TRMT9B: variants seen among roughly 807,000 people sequenced by gnomAD.
TRMT9B encodes tRNA methyltransferase 9B (putative), also known as probable tRNA methyltransferase 9B.
A neutral mutation model predicts 11.5 loss-of-function variants in TRMT9B; 16 were observed. The observed-to-expected ratio is 1.39, with a 90% CI of 0.94 to 2.11. The LOEUF (loss-of-function observed/expected upper bound fraction) is 2.11, where lower values mean the gene tolerates loss of function less well. Among genes scored for constraint, TRMT9B ranks in the 30% most tolerant of loss-of-function variants. TRMT9B has a pLI of 0.00. For missense variants in TRMT9B, 941 were observed against 553.8 expected, an observed-to-expected ratio of 1.70 and a Z score of -7.02; for synonymous variants, 274 against 192.4, an observed-to-expected ratio of 1.42 and a Z score of -3.51.
chr8:13,011,866 G>A (rs1232061177), intron 3 of TRMT9B: 1 of 980,128 alleles, frequency 1.0e-6, no homozygotes, highest in East Asian at 1.1e-4. Context: ...TCTAATTCAA[G>A]TTCAAATTTT....
intron 1 of TRMT9B, among the ~76,000 whole-genome samples, chr8:12,949,917 A>G (rs1800462644): frequency 6.6e-6 from 1 of 152,142 alleles, no homozygotes; most frequent in Non-Finnish European, 1.5e-5. Context: ...CAGTGGTGCA[A>G]GCACAGCTCA....
At chr8:12,980,610 C>T (rs1275992135) in intron 1 of TRMT9B, among the ~76,000 whole-genome samples, 1 of 152,078 alleles carries the variant, frequency 6.6e-6, no homozygotes, top group Non-Finnish European at 1.5e-5. Context: ...CAAAATAAAC[C>T]AAGATTGCAA....
intron 1 of TRMT9B, among the ~76,000 whole-genome samples, chr8:12,978,623 T>G (rs1380295609): frequency 1.3e-5 from 2 of 152,198 alleles, no homozygotes; most frequent in Admixed American, 6.5e-5. Context: ...TTCTCCAGAT[T>G]GTTTCTGTGT....
chr8:13,012,730 CGTGGGCT>C lies in TRMT9B; in HGVS notation c.205_211del (p.Gly69ThrfsTer7). On this transcript the variant is annotated frameshift_variant, in exon 4 of 5. Transcript: ENST00000524591. LOFTEE classifies it high-confidence loss of function. ...TTAAAGTGAACAGCCAGGTACATAC[CGTGGGCT>C]GTGACTACTGTGGGCCACTGGTAGA... is the stretch of plus-strand genomic sequence containing the variant. 6.2e-7 allele frequency: 1 copy of C among 1,613,890 alleles called. No homozygotes were observed. The highest frequency in any genetic ancestry group is 8.5e-7 in the Non-Finnish European group (1 of 1,179,864).
At chr8:12,998,136 T>C (rs1808713609) in intron 2 of TRMT9B, among the ~76,000 whole-genome samples, 2 of 152,258 alleles carry the variant, frequency 1.3e-5, no homozygotes, top group Admixed American at 1.3e-4. Context: ...ATATTCTGGA[T>C]ACTACTCAAT....
intron 2 of TRMT9B, among the ~76,000 whole-genome samples, 169 bp downstream of exon 2, chr8:12,991,200 A>C (rs980393127): frequency 5.3e-5 from 8 of 152,242 alleles, no homozygotes; most frequent in Non-Finnish European, 8.8e-5. Context: ...CAGTATTTGA[A>C]AGTAGTTGTA....
intron 3 of TRMT9B, chr8:13,011,533 C>A: frequency 2.1e-6 from 2 of 955,518 alleles, no homozygotes; most frequent in Non-Finnish European, 2.5e-6. Context: ...TTTAATATTT[C>A]TGGAAAGTAA....
intron 3 of TRMT9B, chr8:13,007,487 A>G (rs1317670945): frequency 3.3e-5 from 5 of 152,194 alleles, no homozygotes; most frequent in Admixed American, 2.6e-4. Context: ...AAGTGTGTCT[A>G]GTTTGATATT....
chr8:12,977,061 A>G (rs757404889), intron 1 of TRMT9B, among the ~76,000 whole-genome samples: 28 of 152,286 alleles, frequency 1.8e-4, no homozygotes, highest in Admixed American at 7.8e-4. Flanking sequence ...TTGCAAATAG[A>G]AGCATGGTGG....
At chr8:12,962,817 C>G (rs1156581769) in intron 1 of TRMT9B, among the ~76,000 whole-genome samples, 2 of 152,112 alleles carry the variant, frequency 1.3e-5, no homozygotes, top group Non-Finnish European at 2.9e-5. Context: ...GTGTAGCATA[C>G]CACTTTAGAA....
intron 4 of TRMT9B, among the ~76,000 whole-genome samples, chr8:13,017,055 C>T (rs189739373): frequency 4.3e-5 from 6 of 139,090 alleles, no homozygotes; most frequent in Admixed American, 4.3e-4. Flanking sequence ...ACCCAGGAGG[C>T]AGAGGTTGCA....
chr8:13,009,446 T>C (rs563156953), intron 3 of TRMT9B, among the ~76,000 whole-genome samples: 1 of 152,338 alleles, frequency 6.6e-6, no homozygotes, highest in Non-Finnish European at 1.5e-5. Flanking sequence ...ACTGATACGG[T>C]TCGGCAACAA....
chr8:12,989,957 C>T (rs1263201392), intron 1 of TRMT9B, among the ~76,000 whole-genome samples: 1 of 152,102 alleles, frequency 6.6e-6, no homozygotes, highest in Non-Finnish European at 1.5e-5. Flanking sequence ...AGAAGTTTTC[C>T]AAAGCACATC....
chr8:13,010,850 C>G, intron 3 of TRMT9B: 1 of 980,748 alleles, frequency 1.0e-6, no homozygotes, highest in Non-Finnish European at 1.2e-6. Context: ...TATATTTTCC[C>G]CATGATTGCC....
chr8:13,023,693 C>A lies in TRMT9B; in HGVS notation c.*1649C>A, dbSNP rs1200442890. The A allele has an allele frequency of 1.2e-5, 2 of 166,958 alleles. No homozygotes were observed. Among genetic ancestry groups the A allele is most frequent in the Non-Finnish European group, 2.9e-5 (2 of 68,094 alleles). The allele number at this position is 166,958 out of a possible 1,614,324, so 10.3% of individuals were successfully genotyped here. A position where few individuals can be genotyped will look rare whatever the true frequency, so the allele number is the denominator to read the frequency against. On this transcript the variant is annotated 3_prime_UTR_variant, in exon 5 of 5. Coordinates refer to ENST00000524591, the MANE Select transcript of TRMT9B (RefSeq NM_020844.3). Reference sequence around the variant, plus strand: ...TTTTACTTTATGCTGGATGAAAATCCAAATCTTGTTTTATTTTTTCCACTA... The same window carrying A: ...TTTTACTTTATGCTGGATGAAAATCAAAATCTTGTTTTATTTTTTCCACTA...
At chr8:12,983,742 T>C (rs1233318633) in intron 1 of TRMT9B, among the ~76,000 whole-genome samples, 1 of 152,138 alleles carries the variant, frequency 6.6e-6, no homozygotes, top group African/African-American at 2.4e-5. Context: ...TTTTGGTCCC[T>C]CAACTGCTTC....
chr8:13,006,516 A>G (rs527303960), intron 3 of TRMT9B, 160 bp downstream of exon 3: 1 of 1,455,624 alleles, frequency 6.9e-7, no homozygotes, highest in African/African-American at 1.4e-5. Flanking sequence ...CCTTCCATTG[A>G]GCCTTTGCTT....
chr8:13,017,710 C>G (rs1346142807), intron 4 of TRMT9B, among the ~76,000 whole-genome samples: 4 of 147,836 alleles, frequency 2.7e-5, no homozygotes, highest in Admixed American at 1.4e-4. Context: ...GCCTCCTGGG[C>G]TCTAGAGATT....
intron 4 of TRMT9B, among the ~76,000 whole-genome samples, chr8:13,020,077 T>C (rs914477620): frequency 2.6e-5 from 4 of 152,222 alleles, no homozygotes; most frequent in African/African-American, 7.2e-5. Flanking sequence ...ACTACAAAGA[T>C]TAGTTTGCCT....
Sources: gnomAD v4.1 joint callset for allele counts (sites outside exome capture counted in the v4.1 genomes callset) on GRCh38, gnomAD v4.1.1 for gene constraint, MANE v1.5 for transcripts, NCBI Gene and HGNC (gene_info 2026-07-23, HGNC 2026-07-21) for gene names.